The following SIM1 variants were observed in gnomAD, a reference collection of about 807,000 sequenced individuals.
The protein encoded by SIM1 is single-minded homolog 1.
A neutral mutation model predicts 78.2 loss-of-function variants in SIM1; 18 were observed. The ratio of observed to expected loss-of-function variants is 0.23; its 90% CI spans 0.16 to 0.34. SIM1 has a LOEUF of 0.34. Among genes scored for constraint, SIM1 ranks in the 10% least tolerant of loss-of-function variants. The probability of loss-of-function intolerance (pLI) is 1.00; values close to 1 mark genes in which losing one functional copy is unlikely to be tolerated. For synonymous variants in SIM1, 417 were observed against 385.2 expected (o/e 1.08, Z -0.97); for missense variants, 939 against 975.1 (o/e 0.96, Z 0.49).
At chr6:100,423,068 C>A (rs1404231496) in intron 9 of SIM1, among the ~76,000 whole-genome samples, 1 of 152,194 alleles carries the variant, frequency 6.6e-6, no homozygotes, top group African/African-American at 2.4e-5. Flanking sequence ...GTCTTTCAGG[C>A]TTGGGAAGTC....
In SIM1 at chr6:100,454,715, C is replaced by T. The variant is rs149925658; in HGVS notation, c.176-871G>A. 1.0e-2 allele frequency among the ~76,000 whole-genome samples: 1,516 copies of T among 152,190 alleles called. 29 individuals are homozygous for T. Among genetic ancestry groups the T allele is most frequent in the African/African-American group, 0.035 (1,451 of 41,492 alleles). On this transcript the variant is annotated intron_variant, in intron 2 of 11. Coordinates refer to ENST00000369208, the MANE Select transcript of SIM1 (RefSeq NM_005068.3). ...CCGTTAAGATCTTTGGAGGCTTTGC[C>T]GCAAACTTTCTCTGGTGATGCCCAA...
chr6:100,446,188 A>G (rs1001089939), intron 9 of SIM1, among the ~76,000 whole-genome samples: 1 of 152,228 alleles, frequency 6.6e-6, no homozygotes, highest in Non-Finnish European at 1.5e-5. Flanking sequence ...GCCAAGCATA[A>G]TATTTCCAAC....
rs1478281658 is a variant in SIM1 at position 100,386,888 on chromosome 6, C to T, written c.*3473G>A. On this transcript the variant is annotated 3_prime_UTR_variant, in exon 12 of 12. Coordinates refer to ENST00000369208, the MANE Select transcript of SIM1 (RefSeq NM_005068.3). The stretch of plus-strand genomic sequence containing the variant: ...TAAGCGAGCACAATATGACAAAAGA[C>T]TTGTGGACCGAAGCACACCTAAATA... 1 of 152,030 alleles carries T rather than the reference C, an allele frequency of 6.6e-6. No homozygotes were observed. Among genetic ancestry groups the T allele is most frequent in the Non-Finnish European group, 1.5e-5 (1 of 67,922 alleles). The allele number at this position is 152,030 out of a possible 1,614,324, so 9.4% of individuals were successfully genotyped here.
chr6:100,421,151 T>A (rs983849804), intron 9 of SIM1, among the ~76,000 whole-genome samples, 193 bp from the exon 10 acceptor site: 1 of 152,204 alleles, frequency 6.6e-6, no homozygotes, highest in Admixed American at 6.5e-5. Flanking sequence ...TAATAATGTA[T>A]TTTTCATTTT....
At chr6:100,425,526 A>T (rs1771704784) in intron 9 of SIM1, among the ~76,000 whole-genome samples, 1 of 152,220 alleles carries the variant, frequency 6.6e-6, no homozygotes, top group Admixed American at 6.5e-5. Context: ...AGCACAATAA[A>T]AAATACCCAC....
At position 100,463,275 on chromosome 6, in the gene SIM1, T is replaced by C. The variant is rs1263901049; in HGVS notation, c.175+19A>G. 6.3e-7 allele frequency: 1 copy of C among 1,590,450 alleles called. No homozygotes were observed. Among genetic ancestry groups the C allele is most frequent in the South Asian group, 1.1e-5 (1 of 89,526 alleles). ...GGCCCCTTCTGCCTTTGAAATTCCA[T>C]CTGGGCAAAGTCACTTACCTTCTGG... is the stretch of plus-strand genomic sequence containing the variant. On this transcript the variant is annotated intron_variant, in intron 2 of 11. Transcript: ENST00000369208.
rs755622030 is a variant in SIM1 at position 100,450,354 on chromosome 6, G to A, written c.261C>T (p.Thr87=). The A allele has an allele frequency of 1.2e-6, 2 of 1,613,836 alleles. No individual in the cohort carries two copies. The highest frequency in any genetic ancestry group is 1.7e-5 in the Admixed American group (1 of 60,026). The stretch of plus-strand genomic sequence containing the variant: ...CTACCACGAAGATGAAGCCATCCAG[G>A]GTCTGGGGAGGCACAAATAGAGAGA... ...GRELGSHLLQ[T]LDGFIFVVAP... The change falls in exon 4 of 12, where the codon ACC becomes ACT. Residue 87 remains threonine (T), a splice_region_variant and synonymous_variant. Coordinates refer to ENST00000369208, the MANE Select transcript of SIM1 (RefSeq NM_005068.3).
intron 2 of SIM1, among the ~76,000 whole-genome samples, chr6:100,461,609 ACTG>A (rs1246735653): frequency 6.6e-6 from 1 of 152,264 alleles, no homozygotes; most frequent in African/African-American, 2.4e-5. Flanking sequence ...CTGACAAATC[ACTG>A]CTAATAATCC....
intron 9 of SIM1, among the ~76,000 whole-genome samples, chr6:100,424,022 A>G (rs899959588): frequency 9.9e-5 from 15 of 151,856 alleles, no homozygotes; most frequent in African/African-American, 3.6e-4. Flanking sequence ...GCAGTGAATA[A>G]ACAAGGATTT....
chr6:100,422,821 T>A (rs555404330), intron 9 of SIM1, among the ~76,000 whole-genome samples: 113 of 152,314 alleles, frequency 7.4e-4, no homozygotes, highest in African/African-American at 2.6e-3. Context: ...ATTTTTTACT[T>A]GTCAATTTAA....
intron 11 of SIM1, among the ~76,000 whole-genome samples, chr6:100,392,769 G>A (rs1770672271): frequency 6.6e-6 from 1 of 152,182 alleles, no homozygotes; most frequent in African/African-American, 2.4e-5. Flanking sequence ...AGACCGGTCT[G>A]GACCCAAGCT....
chr6:100,409,079 C>T (rs970016498), intron 10 of SIM1, among the ~76,000 whole-genome samples: 48 of 152,056 alleles, frequency 3.2e-4, no homozygotes, highest in African/African-American at 1.1e-3. Context: ...ATTTAATCTC[C>T]TTACACATTA....
At position 100,391,046 on chromosome 6, in the gene SIM1, G is replaced by T. The variant is rs368535355; in HGVS notation, c.1616C>A (p.Pro539His). 5.6e-6 allele frequency: 9 copies of T among 1,613,844 alleles called. No individual in the cohort carries two copies. In the African/African-American group the frequency reaches 1.2e-4, roughly 22 times the overall value. The change falls in exon 12 of 12, where the codon CCT becomes CAT. Residue 539 changes from proline (P) to histidine (H), a missense_variant. Physicochemically the swap from Pro to His is moderately conservative, Grantham distance 77. Transcript: ENST00000369208. ...GTCACCTGATTCACTGGCCGACCCA[G>T]GGTCTGGAGAACTGACCACACTATC... is the stretch of plus-strand genomic sequence containing the variant. ...DEDSVVSSPDPGSASESGDRY... is the reference protein window; with the variant it reads ...DEDSVVSSPDHGSASESGDRY...
At chr6:100,421,350 A>T (rs904568845) in intron 9 of SIM1, among the ~76,000 whole-genome samples, 8 of 152,172 alleles carry the variant, frequency 5.3e-5, no homozygotes, top group African/African-American at 1.7e-4. Flanking sequence ...CTGTTCTAGG[A>T]TCAATCATTC....
Position 100,463,515 on chromosome 6 carries a change from C to A in SIM1, c.-47G>T. 6.6e-7 allele frequency: 1 copy of A among 1,515,286 alleles called. No homozygotes were observed. Among genetic ancestry groups the A allele is most frequent in the Non-Finnish European group, 8.9e-7 (1 of 1,118,068 alleles). The allele number at this position is 1,515,286 out of a possible 1,614,324, so 93.9% of individuals were successfully genotyped here. ...TCTCACAACTTAAGCTCCGCAGATT[C>A]ATCCAAAACCAAAAATAAACTTTCA... is the stretch of plus-strand genomic sequence containing the variant. On this transcript the variant is annotated 5_prime_UTR_variant, in exon 2 of 12. The change abolishes an upstream ATG in the 5' untranslated region. Transcript: ENST00000369208.
intron 10 of SIM1, among the ~76,000 whole-genome samples, chr6:100,396,705 T>C (rs139170712): frequency 6.6e-6 from 1 of 152,266 alleles, no homozygotes; most frequent in East Asian, 1.9e-4. Flanking sequence ...CCATCAAAAC[T>C]CTGAGCCACG....
rs771767994 is a variant in SIM1 at position 100,391,070 on chromosome 6, T to C, written c.1592A>G (p.Asp531Gly). The C allele has an allele frequency of 5.6e-6, 9 of 1,596,180 alleles. No homozygotes were observed. The highest frequency in any genetic ancestry group is 7.7e-6 in the Non-Finnish European group (9 of 1,172,536). Residue 531 changes from aspartate (D) to glycine (G), a missense_variant, in exon 12 of 12, where the codon GAT becomes GGT. Coordinates refer to ENST00000369208, the MANE Select transcript of SIM1 (RefSeq NM_005068.3). ...AGGGTCTGGAGAACTGACCACACTATCTTCATCCCAATGACCTCGCCCTAA... is the reference window on the plus strand; with the variant it reads ...AGGGTCTGGAGAACTGACCACACTACCTTCATCCCAATGACCTCGCCCTAA... ...RIHGRGHWDEDSVVSSPDPGS... is the reference protein window; with the variant it reads ...RIHGRGHWDEGSVVSSPDPGS...
chr6:100,443,371 T>A (rs1220275920), intron 9 of SIM1, among the ~76,000 whole-genome samples: 1 of 152,128 alleles, frequency 6.6e-6, no homozygotes, highest in Non-Finnish European at 1.5e-5. Context: ...GAAAAAGAAG[T>A]TGAGATGTTA....
At chr6:100,445,345 G>A (rs1471762346) in intron 9 of SIM1, among the ~76,000 whole-genome samples, 4 of 152,140 alleles carry the variant, frequency 2.6e-5, no homozygotes, top group African/African-American at 9.7e-5. Context: ...TGTGTGCTGT[G>A]TATATATGCT....
Sources: allele counts gnomAD v4.1 joint callset (sites outside exome capture counted in the v4.1 genomes callset), GRCh38; gene constraint gnomAD v4.1.1; transcripts MANE v1.5; gene names NCBI Gene and HGNC (gene_info 2026-07-23, HGNC 2026-07-21).